Variants in NRXN3 observed in about 807,000 individuals in gnomAD.
NRXN3 encodes the protein neurexin III.
NRXN3 carries 32 observed loss-of-function variants against 137.6 expected under a neutral mutation model. That is an observed-to-expected ratio of 0.23 (90% CI 0.18 to 0.31). The LOEUF (loss-of-function observed/expected upper bound fraction) is 0.31, where lower values mean the gene tolerates loss of function less well. NRXN3 is among the 10% of genes least tolerant of loss of function. The pLI, the probability that NRXN3 is intolerant of heterozygous loss-of-function variation, is 1.00. For missense variants in NRXN3, 1,574 were observed against 2,062.5 expected (o/e 0.76, Z 4.59); for synonymous variants, 798 against 784.5 (o/e 1.02, Z -0.29).
chr14:79,390,566 C>A (rs2094812176), intron 15 of NRXN3, among the ~76,000 whole-genome samples: 1 of 152,124 alleles, frequency 6.6e-6, no homozygotes, highest in African/African-American at 2.4e-5. Context: ...TAAATTCTAG[C>A]AAACTTGTGC....
intron 6 of NRXN3, among the ~76,000 whole-genome samples, chr14:78,662,034 C>T (rs1485785279): frequency 1.3e-5 from 2 of 150,128 alleles, no homozygotes; most frequent in African/African-American, 4.8e-5. Flanking sequence ...TGCCACCACA[C>T]CCAGCTAATT....
chr14:78,709,109 A>G lies in NRXN3; in HGVS notation c.1222-108A>G. 3.1e-6 allele frequency: 3 copies of G among 955,932 alleles called. No homozygotes were observed. In the Admixed American group the frequency reaches 8.2e-5, roughly 26 times the overall value. The allele number at this position is 955,932 out of a possible 1,614,324, so 59.2% of individuals were successfully genotyped here. On this transcript the variant is annotated intron_variant, in intron 6 of 20. Transcript: ENST00000335750. ...ATTGTTTCTCATGTTGTTTTGGGCT[A>G]TGTCCTGAAGCCTCTTTTTGGGTCA...
chr14:78,260,277 T>A (rs2070463694), intron 2 of NRXN3, among the ~76,000 whole-genome samples: 1 of 152,170 alleles, frequency 6.6e-6, no homozygotes, highest in African/African-American at 2.4e-5. Context: ...AAAGACCCTG[T>A]GAAGTTCAGG....
At chr14:78,789,335 C>T (rs2098798550) in intron 8 of NRXN3, among the ~76,000 whole-genome samples, 1 of 152,138 alleles carries the variant, frequency 6.6e-6, no homozygotes, top group Admixed American at 6.6e-5. Context: ...AAGGGGTTCT[C>T]AACTGGGGGT....
intron 10 of NRXN3, among the ~76,000 whole-genome samples, chr14:78,890,433 C>T (rs1189205936): frequency 6.6e-6 from 1 of 151,822 alleles, no homozygotes; most frequent in African/African-American, 2.4e-5. Context: ...TTTAATTTTA[C>T]TCTAACATCC....
At chr14:79,354,285 C>A (rs1022949728) in intron 15 of NRXN3, among the ~76,000 whole-genome samples, 2 of 152,072 alleles carry the variant, frequency 1.3e-5, no homozygotes, top group Admixed American at 6.6e-5. Context: ...CTAGTAAACA[C>A]TGCGTTTTAA....
chr14:79,266,072 T>C (rs143364567), intron 15 of NRXN3, among the ~76,000 whole-genome samples: 4 of 152,198 alleles, frequency 2.6e-5, no homozygotes, highest in Admixed American at 1.3e-4. Context: ...ATTATAAAAA[T>C]TAAAATTTTT....
At chr14:79,337,019 G>A (rs1316376062) in intron 15 of NRXN3, among the ~76,000 whole-genome samples, 2 of 152,082 alleles carry the variant, frequency 1.3e-5, no homozygotes, top group African/African-American at 2.4e-5. Context: ...CGTTAAAAAC[G>A]CTTCACCTAT....
chr14:79,412,219 G>A (rs911433458), intron 15 of NRXN3, among the ~76,000 whole-genome samples: 2 of 152,068 alleles, frequency 1.3e-5, no homozygotes, highest in African/African-American at 4.8e-5. Flanking sequence ...TTGAATTTAT[G>A]TGTGCCTAAA....
At chr14:78,251,167 A>T (rs1389979626) in intron 2 of NRXN3, among the ~76,000 whole-genome samples, 3 of 152,178 alleles carry the variant, frequency 2.0e-5, no homozygotes, top group Non-Finnish European at 4.4e-5. Context: ...CCCAGGTACC[A>T]GGCAATGCCC....
At chr14:78,223,343 A>T (rs2153426961) in intron 1 of NRXN3, among the ~76,000 whole-genome samples, 1 of 152,268 alleles carries the variant, frequency 6.6e-6, no homozygotes, top group Non-Finnish European at 1.5e-5. Flanking sequence ...TTTTGCCTTC[A>T]GGGCATTTTG....
chr14:79,613,247 T>C (rs1374289216), intron 16 of NRXN3, among the ~76,000 whole-genome samples: 1 of 152,268 alleles, frequency 6.6e-6, no homozygotes, highest in Non-Finnish European at 1.5e-5. Flanking sequence ...AGCCTTAAAC[T>C]ATAATGCTTA....
rs879935930 is a variant in NRXN3 at position 79,470,919 on chromosome 14, TGA to T, written c.3444+3536_3444+3537del. ...GAGAGAGAGTGTGTGTGTGTGTGTG[TGA>T]GAGAGAGAGAGAGAGAGAAAGAGAG... On this transcript the variant is annotated intron_variant, in intron 16 of 20. Coordinates refer to ENST00000335750, the MANE Select transcript of NRXN3 (RefSeq NM_001330195.2). Among the ~76,000 whole-genome samples the T allele has an allele frequency of 6.6e-3, 867 of 131,280 alleles. 6 individuals carry two copies. The highest frequency in any genetic ancestry group is 0.019 in the African/African-American group (581 of 30,306). The allele number at this position is 131,280 out of a possible 152,430, so 86.1% of individuals were successfully genotyped here. A position where few individuals can be genotyped will look rare whatever the true frequency, so the allele number is the denominator to read the frequency against.
chr14:78,939,881 T>C (rs1233034635), intron 10 of NRXN3, among the ~76,000 whole-genome samples: 1 of 152,232 alleles, frequency 6.6e-6, no homozygotes, highest in African/African-American at 2.4e-5. Flanking sequence ...CTCTCAGAGA[T>C]TATCAATTTG....
rs546069270 is a variant in NRXN3, at chr14:79,711,510, A to C, written c.4014+13573A>C. 2.0e-5 allele frequency among the ~76,000 whole-genome samples: 3 copies of C among 151,304 alleles called. No individual in the cohort carries two copies. The South Asian group carries it at 6.3e-4, about 32-fold the overall frequency. ...ATTTATATATTTATTTATAGAGATG[A>C]GGTCTTACTTTATTTCCCAGGTTGG... On this transcript the variant is annotated intron_variant, in intron 19 of 20. Transcript: ENST00000335750.
chr14:78,182,066 G>C (rs966749877), intron 1 of NRXN3, among the ~76,000 whole-genome samples: 2 of 145,660 alleles, frequency 1.4e-5, no homozygotes, highest in Non-Finnish European at 3.0e-5. Context: ...TGAAGGCAAA[G>C]TATTGGGGGG....
At chr14:78,409,300 A>G (rs1423029658) in intron 4 of NRXN3, among the ~76,000 whole-genome samples, 1 of 122,978 alleles carries the variant, frequency 8.1e-6, no homozygotes, top group East Asian at 2.2e-4. Flanking sequence ...ACAAGCCTAT[A>G]AGACTCTTAA....
chr14:78,460,292 T>C (rs1034503902), intron 4 of NRXN3, among the ~76,000 whole-genome samples: 1 of 152,204 alleles, frequency 6.6e-6, no homozygotes, highest in African/African-American at 2.4e-5. Flanking sequence ...ATAGGCATAA[T>C]TGATTACATC....
At chr14:79,682,600 CG>C (rs539961374) in intron 17 of NRXN3, among the ~76,000 whole-genome samples, 64 of 152,156 alleles carry the variant, frequency 4.2e-4, no homozygotes, top group African/African-American at 1.5e-3. Context: ...ATTAACTTTA[CG>C]GGGAGAAAGT....
Sources: gnomAD v4.1 joint callset for allele counts (sites outside exome capture counted in the v4.1 genomes callset) on GRCh38, gnomAD v4.1.1 for gene constraint, MANE v1.5 for transcripts, NCBI Gene and HGNC (gene_info 2026-07-23, HGNC 2026-07-21) for gene names.